GXYLT2: variants seen among roughly 807,000 people sequenced by gnomAD.
GXYLT2 encodes glycosyltransferase 8 domain containing 4.
A neutral mutation model predicts 45.8 loss-of-function variants in GXYLT2; 53 were observed. The observed-to-expected ratio is 1.16, with a 90% confidence interval of 0.93 to 1.46. GXYLT2 has a LOEUF of 1.46. GXYLT2 is among the 40% of genes most tolerant of loss of function. GXYLT2 has a pLI of 0.00. For missense variants in GXYLT2, 551 were observed against 544.4 expected (o/e 1.01, Z -0.12); for synonymous variants, 219 against 214.2 (o/e 1.02, Z -0.19).
chr3:72,929,542 C>T (rs942324829), intron 3 of GXYLT2: 7 of 1,179,748 alleles, frequency 5.9e-6, no homozygotes, highest in South Asian at 1.2e-5. Flanking sequence ...GAATCTGGCT[C>T]GGCAGAATAT....
At chr3:72,919,451 CTA>C (rs34734164) in intron 2 of GXYLT2, among the ~76,000 whole-genome samples, 34,500 of 151,994 alleles carry the variant, frequency 0.23, 7,006 homozygotes, top group African/African-American at 0.55. Context: ...CATGAAGAGA[CTA>C]TATAAAAAGA....
At chr3:72,973,319 A>G (rs1170016008) in intron 6 of GXYLT2, among the ~76,000 whole-genome samples, 2 of 152,134 alleles carry the variant, frequency 1.3e-5, no homozygotes, top group Admixed American at 6.6e-5. Context: ...ACCAGGGGAA[A>G]GTCCCGGAGG....
intron 5 of GXYLT2, among the ~76,000 whole-genome samples, chr3:72,960,109 CTAATTTTTG>C (rs1244088194): frequency 6.6e-6 from 1 of 152,190 alleles, no homozygotes; most frequent in Non-Finnish European, 1.5e-5. Flanking sequence ...CCACACCCAG[CTAATTTTTG>C]TAATTTTTGT....
chr3:72,967,271 C>G (rs894311419), intron 5 of GXYLT2, among the ~76,000 whole-genome samples: 1 of 152,184 alleles, frequency 6.6e-6, no homozygotes, highest in African/African-American at 2.4e-5. Context: ...GATTTGGACC[C>G]AGGCTGCCTC....
intron 3 of GXYLT2, among the ~76,000 whole-genome samples, chr3:72,930,184 A>AC (rs2107112267): frequency 6.6e-6 from 1 of 151,386 alleles, no homozygotes; most frequent in African/African-American, 2.4e-5. Flanking sequence ...CAAAAAAAAA[A>AC]ACAGAGTTGC....
At chr3:72,971,336 C>A (rs572885048) in intron 6 of GXYLT2, among the ~76,000 whole-genome samples, 2 of 152,308 alleles carry the variant, frequency 1.3e-5, no homozygotes, top group African/African-American at 2.4e-5. Flanking sequence ...AAATGACTAA[C>A]CCTGACCCAA....
chr3:72,931,263 C>T (rs537935211), intron 3 of GXYLT2, among the ~76,000 whole-genome samples: 4 of 151,580 alleles, frequency 2.6e-5, no homozygotes, highest in Admixed American at 1.3e-4. Flanking sequence ...GAGTCTTGCA[C>T]TGTCCCCAGG....
At position 72,896,836 on chromosome 3, in the gene GXYLT2, T is replaced by A. The variant is rs548947947; in HGVS notation, c.275+8328T>A. ...CTGCACTCCAGCCTGAGTGACAGAG[T>A]GAGACCTTGTCTCACATTAAAAAAA... On this transcript the variant is annotated intron_variant, in intron 1 of 6. Coordinates refer to ENST00000389617, the MANE Select transcript of GXYLT2 (RefSeq NM_001080393.2). 4.0e-5 allele frequency among the ~76,000 whole-genome samples: 6 copies of A among 150,092 alleles called. No homozygotes were observed. The East Asian group carries it at 1.2e-3, about 29-fold the overall frequency.
chr3:72,954,427 G>GTGTGTA lies in GXYLT2; in HGVS notation c.601-666_601-665insATGTGT, dbSNP rs777068744. ...TGTGTGTGTGTGTGTGTGTGTGTGT[G>GTGTGTA]TGTGTGTATTTGTATTTATATATAT... is the stretch of plus-strand genomic sequence containing the variant. On this transcript the variant is annotated intron_variant, in intron 3 of 6. Coordinates refer to ENST00000389617, the MANE Select transcript of GXYLT2 (RefSeq NM_001080393.2). Among the ~76,000 whole-genome samples the GTGTGTA allele has an allele frequency of 2.5e-3, 369 of 149,398 alleles. 2 individuals are homozygous for GTGTGTA. The highest frequency in any genetic ancestry group is 3.9e-3 in the Non-Finnish European group (262 of 67,740).
At chr3:72,892,299 G>C (rs1709197922) in intron 1 of GXYLT2, among the ~76,000 whole-genome samples, 1 of 152,096 alleles carries the variant, frequency 6.6e-6, no homozygotes, top group Admixed American at 6.5e-5. Flanking sequence ...CTCCATCCTA[G>C]CGCTCTTACT....
intron 3 of GXYLT2, among the ~76,000 whole-genome samples, chr3:72,954,636 A>AT (rs1173598475): frequency 7.0e-5 from 9 of 128,586 alleles, no homozygotes; most frequent in African/African-American, 2.6e-4. Flanking sequence ...ACTCCATCTC[A>AT]AAAATAAATA....
At chr3:72,957,669 ATAT>A (rs1357718794) in intron 5 of GXYLT2, among the ~76,000 whole-genome samples, 1 of 152,214 alleles carries the variant, frequency 6.6e-6, no homozygotes, top group Non-Finnish European at 1.5e-5. Context: ...CTAAATGGAA[ATAT>A]TATAATCTAG....
intron 6 of GXYLT2, among the ~76,000 whole-genome samples, chr3:72,970,071 C>T (rs1710958281): frequency 1.3e-5 from 2 of 152,014 alleles, no homozygotes; most frequent in East Asian, 3.9e-4. Context: ...ATAAAATCGG[C>T]CTGGTGTGGT....
chr3:72,946,788 G>T (rs1710420212), intron 3 of GXYLT2, among the ~76,000 whole-genome samples: 1 of 152,094 alleles, frequency 6.6e-6, no homozygotes, highest in Non-Finnish European at 1.5e-5. Context: ...ATGATAAGAT[G>T]ATTCCTTTGT....
At chr3:72,939,166 T>C (rs964068155) in intron 3 of GXYLT2, among the ~76,000 whole-genome samples, 5 of 152,214 alleles carry the variant, frequency 3.3e-5, no homozygotes, top group Non-Finnish European at 7.3e-5. Flanking sequence ...ATTAAAACAG[T>C]GTGGAACACT....
intron 3 of GXYLT2, among the ~76,000 whole-genome samples, chr3:72,943,379 CTTT>C (rs72467098): frequency 7.1e-6 from 1 of 141,354 alleles, no homozygotes. Flanking sequence ...TCTCTTTTTC[CTTT>C]TTTTTTTTTT....
chr3:72,936,546 A>G (rs1386958671), intron 3 of GXYLT2, among the ~76,000 whole-genome samples: 1 of 152,148 alleles, frequency 6.6e-6, no homozygotes, highest in Non-Finnish European at 1.5e-5. Flanking sequence ...AGGCTGAGGC[A>G]GGAGAATCAC....
intron 3 of GXYLT2, among the ~76,000 whole-genome samples, chr3:72,950,613 G>C (rs1008949034): frequency 1.3e-5 from 2 of 149,766 alleles, no homozygotes; most frequent in African/African-American, 5.0e-5. Flanking sequence ...CTGGGTGACA[G>C]AGTGAAACCC....
chr3:72,888,778 T>C (rs1247311880), intron 1 of GXYLT2, among the ~76,000 whole-genome samples: 1 of 152,218 alleles, frequency 6.6e-6, no homozygotes, highest in Non-Finnish European at 1.5e-5. Flanking sequence ...AGGCAAGGCG[T>C]ATTTTTGCAC....
Sources: gnomAD v4.1 joint callset for allele counts (sites outside exome capture counted in the v4.1 genomes callset) on GRCh38, gnomAD v4.1.1 for gene constraint, MANE v1.5 for transcripts, NCBI Gene and HGNC (gene_info 2026-07-23, HGNC 2026-07-21) for gene names.